The following PLD3 variants were observed in gnomAD, a reference collection of about 807,000 sequenced individuals.
PLD3 encodes 5'-3' exonuclease PLD3.
PLD3 carries 31 observed loss-of-function variants against 58.4 expected under a neutral mutation model. That is an observed-to-expected ratio of 0.53 (90% CI 0.40 to 0.72). The LOEUF is 0.72. PLD3 is among the 30% of genes least tolerant of loss of function. The pLI is 0.00. For synonymous variants in PLD3, 264 were observed against 273.4 expected (o/e 0.97, Z 0.34); for missense variants, 595 against 659.8 (o/e 0.90, Z 1.08).
In PLD3 at chr19:40,371,662, CCCT is replaced by C; in HGVS notation, c.679-7_679-5del. 6.2e-7 allele frequency: 1 copy of C among 1,602,382 alleles called. No individual in the cohort carries two copies. The highest frequency in any genetic ancestry group is 8.5e-7 in the Non-Finnish European group (1 of 1,170,328). The stretch of plus-strand genomic sequence containing the variant: ...GCCGCTATCGCTGAGCTCAGCACTG[CCCT>C]CCTACAGGTCAAGGAGCTGGGCGTG... On this transcript the variant is annotated splice_region_variant and splice_polypyrimidine_tract_variant and intron_variant, in intron 8 of 12. Coordinates refer to ENST00000409735, the MANE Select transcript of PLD3 (RefSeq NM_012268.4).
intron 11 of PLD3, among the ~76,000 whole-genome samples, chr19:40,377,354 C>CCA (rs2079250213): frequency 1.0e-5 from 1 of 99,186 alleles, no homozygotes. Context: ...GGGGTCAGGG[C>CCA]TGGGATGGGG....
intron 1 of PLD3, among the ~76,000 whole-genome samples, chr19:40,352,538 C>T (rs575836616): frequency 9.5e-4 from 144 of 152,216 alleles, no homozygotes; most frequent in Non-Finnish European, 1.6e-3. Context: ...AGGCTTACCA[C>T]ATATCCTATT....
chr19:40,360,895 C>G (rs1416907545), intron 1 of PLD3, among the ~76,000 whole-genome samples: 1 of 152,180 alleles, frequency 6.6e-6, no homozygotes, highest in African/African-American at 2.4e-5. Flanking sequence ...TTGCAAAGAT[C>G]CTTTTTCCAA....
At chr19:40,375,026 CGT>C (rs2079159595) in intron 10 of PLD3, among the ~76,000 whole-genome samples, 1 of 151,922 alleles carries the variant, frequency 6.6e-6, no homozygotes, top group Non-Finnish European at 1.5e-5. Flanking sequence ...CGTGGTGGCA[CGT>C]GCTTGTAATC....
chr19:40,370,358 CCTT>C, intron 8 of PLD3, 121 bp downstream of exon 8: 1 of 1,121,914 alleles, frequency 8.9e-7, no homozygotes, highest in Non-Finnish European at 1.3e-6. Context: ...GTAATGGCTT[CCTT>C]CTTGCCTCCT....
At chr19:40,359,225 T>C (rs938499968) in intron 1 of PLD3, 1 of 152,116 alleles carries the variant, frequency 6.6e-6, no homozygotes. Context: ...TAATTTTGTA[T>C]TTTTAGTAGA....
At chr19:40,360,162 G>A (rs1197276086) in intron 1 of PLD3, 1 of 152,322 alleles carries the variant, frequency 6.6e-6, no homozygotes, top group Non-Finnish European at 1.5e-5. Flanking sequence ...CCAAAACTCA[G>A]TCATCCCTCA....
chr19:40,365,359 C>T (rs1476744913), intron 1 of PLD3, among the ~76,000 whole-genome samples: 1 of 152,106 alleles, frequency 6.6e-6, no homozygotes, highest in African/African-American at 2.4e-5. Context: ...TTTAAAAAAT[C>T]AAATACCAAA....
rs1215415891 is a variant in PLD3 at position 40,378,378 on chromosome 19, G to GC, written c.*210dup. 1 of 671,232 alleles carries GC rather than the reference G, an allele frequency of 1.5e-6. No individual in the cohort carries two copies. The allele number at this position is 671,232 out of a possible 1,614,324, so 41.6% of individuals were successfully genotyped here. A position where few individuals can be genotyped will look rare whatever the true frequency, so the allele number is the denominator to read the frequency against. On this transcript the variant is annotated 3_prime_UTR_variant, in exon 13 of 13. Transcript: ENST00000409735. ...CCCAGCAGAGCTGGGGGAGGGATCA[G>GC]CCCCCAAAGAAATGGGGGTGCATGC...
In PLD3 at chr19:40,374,573, C is replaced by T. The variant is rs200341189; in HGVS notation, c.972C>T (p.Val324=). 1.2e-5 allele frequency: 20 copies of T among 1,614,162 alleles called. No homozygotes were observed. The highest frequency in any genetic ancestry group is 1.6e-5 in the Non-Finnish European group (19 of 1,180,024). ...VVDNARSFIY[V]AVMNYLPTLE... ...ACAATGCCCGGAGTTTCATCTACGT[C>T]GCTGTCATGAACTACCTGCCCACTC... is the stretch of plus-strand genomic sequence containing the variant. Residue 324 remains valine, a synonymous_variant, in exon 10 of 13, where the codon GTC becomes GTT. Transcript: ENST00000409735.
At chr19:40,374,440 C>A in intron 9 of PLD3, 41 bp from the exon 10 acceptor site, 1 of 1,610,032 alleles carries the variant, frequency 6.2e-7, no homozygotes, top group Non-Finnish European at 8.5e-7. Context: ...GTGACGATGA[C>A]CCTGGCAGGG....
chr19:40,363,556 G>A (rs73557795), intron 1 of PLD3, among the ~76,000 whole-genome samples: 13,727 of 152,178 alleles, frequency 0.09, 646 homozygotes, highest in Middle Eastern at 0.14. Flanking sequence ...TCAGTCTCCC[G>A]AGTAGCTGGG....
At chr19:40,354,177 G>A (rs1473100030) in intron 1 of PLD3, among the ~76,000 whole-genome samples, 2 of 147,622 alleles carry the variant, frequency 1.4e-5, no homozygotes, top group African/African-American at 5.0e-5. Context: ...GGGGTCAAGC[G>A]ATTCCCCTGC....
chr19:40,367,854 A>G lies in PLD3; in HGVS notation c.404A>G (p.His135Arg). Residue 135 changes from histidine (H) to arginine (R), a missense_variant, in exon 6 of 13, where the codon CAC becomes CGC. By Grantham distance (29) the His-to-Arg change is conservative. Coordinates refer to ENST00000409735, the MANE Select transcript of PLD3 (RefSeq NM_012268.4). Reference sequence around the variant, plus strand: ...TGGACCCTCACCAACAATGACACCCACACGCAGGAGCCCTCTGCCCAGCAG... The same window carrying G: ...TGGACCCTCACCAACAATGACACCCGCACGCAGGAGCCCTCTGCCCAGCAG... ...FYWTLTNNDT[H>R]TQEPSAQQGE... The G allele has an allele frequency of 6.4e-7, 1 of 1,562,882 alleles. No individual in the cohort carries two copies. Among genetic ancestry groups the G allele is most frequent in the Non-Finnish European group, 8.6e-7 (1 of 1,156,528 alleles).
intron 10 of PLD3, 141 bp from the exon 11 acceptor site, chr19:40,376,468 C>G: frequency 1.4e-6 from 1 of 733,710 alleles, no homozygotes; most frequent in East Asian, 2.6e-5. Flanking sequence ...GAGACAGGAA[C>G]AGGGTCTGGG....
At position 40,378,485 on chromosome 19, in the gene PLD3, A is replaced by G; in HGVS notation, c.*312A>G. ...TAATAAGTAAATAACTTGTCTGTAC[A>G]GCCTGTGCCTGACTGAGTGGTGTGA... On this transcript the variant is annotated 3_prime_UTR_variant, in exon 13 of 13. Transcript: ENST00000409735. 2.2e-6 allele frequency: 1 copy of G among 447,780 alleles called. No individual in the cohort carries two copies. Among genetic ancestry groups the G allele is most frequent in the Non-Finnish European group, 4.1e-6 (1 of 242,610 alleles). The allele number at this position is 447,780 out of a possible 1,614,324, so 27.7% of individuals were successfully genotyped here.
At chr19:40,377,702 G>A (rs576857332) in intron 11 of PLD3, 84 bp from the exon 12 acceptor site, 13 of 952,848 alleles carry the variant, frequency 1.4e-5, no homozygotes, top group Admixed American at 1.9e-5. Flanking sequence ...CACAGATCTC[G>A]CTCCACACTC....
rs765630414 is a variant in PLD3 at position 40,370,224 on chromosome 19, G to A, written c.665G>A (p.Arg222His). Residue 222 changes from arginine (R) to histidine (H), a missense_variant, in exon 8 of 13, where the codon CGT becomes CAT. By Grantham distance (29) the Arg-to-His change is conservative. Coordinates refer to ENST00000409735, the MANE Select transcript of PLD3 (RefSeq NM_012268.4). The part of the protein sequence containing the change: ...FYLGSANMDW[R>H]SLTQVKELGV... ...CTGGGCAGTGCCAACATGGACTGGC[G>A]TTCACTGACCCAGGTCTGTCTGCAC... The A allele has an allele frequency of 6.2e-5, 100 of 1,613,370 alleles. No individual in the cohort carries two copies. Among genetic ancestry groups the A allele is most frequent in the Non-Finnish European group, 7.9e-5 (93 of 1,179,696 alleles).
At chr19:40,375,860 T>C (rs1227095068) in intron 10 of PLD3, among the ~76,000 whole-genome samples, 2 of 150,242 alleles carry the variant, frequency 1.3e-5, no homozygotes, top group Non-Finnish European at 3.0e-5. Context: ...GAGACCAGCC[T>C]GGGCAACATA....
Sources: gnomAD v4.1 joint callset for allele counts (sites outside exome capture counted in the v4.1 genomes callset) on GRCh38, gnomAD v4.1.1 for gene constraint, MANE v1.5 for transcripts, NCBI Gene and HGNC (gene_info 2026-07-23, HGNC 2026-07-21) for gene names.